ZNF565: variants seen among roughly 807,000 people sequenced by gnomAD.
The protein encoded by ZNF565 is zinc finger protein 565.
A neutral mutation model predicts 39.4 loss-of-function variants in ZNF565; 27 were observed. The observed-to-expected ratio is 0.69, with a 90% CI of 0.51 to 0.95. The LOEUF (loss-of-function observed/expected upper bound fraction) is 0.95. Among genes scored for constraint, ZNF565 ranks in the 40% least tolerant of loss-of-function variants. The probability of loss-of-function intolerance (pLI) is 0.00; values close to 1 mark genes in which losing one functional copy is unlikely to be tolerated. For synonymous variants in ZNF565, 185 were observed against 216.6 expected (o/e 0.85, Z 1.28); for missense variants, 524 against 621.1 (o/e 0.84, Z 1.66).
chr19:36,202,784 G>A (rs1218088251), intron 1 of ZNF565, among the ~76,000 whole-genome samples: 1 of 152,116 alleles, frequency 6.6e-6, no homozygotes, highest in Non-Finnish European at 1.5e-5. Flanking sequence ...AAAACCTCCT[G>A]GGCATCTCAC....
intron 1 of ZNF565, among the ~76,000 whole-genome samples, chr19:36,220,895 A>G (rs980441459): frequency 2.0e-5 from 3 of 149,126 alleles, no homozygotes; most frequent in African/African-American, 7.5e-5. Flanking sequence ...TCTTTTGCCC[A>G]GGGCAGAGTG....
intron 1 of ZNF565, chr19:36,236,937 G>T (rs1977665343): frequency 6.2e-7 from 1 of 1,614,094 alleles, no homozygotes; most frequent in Non-Finnish European, 8.5e-7. Flanking sequence ...ACAGCCTTTG[G>T]CCAGAAGAAG....
At chr19:36,233,319 G>A (rs1190205259) in intron 1 of ZNF565, among the ~76,000 whole-genome samples, 1 of 152,202 alleles carries the variant, frequency 6.6e-6, no homozygotes, top group Non-Finnish European at 1.5e-5. Flanking sequence ...GGCCGAGGTT[G>A]CAGTGAGTCG....
At chr19:36,234,511 A>G (rs1977559771) in intron 1 of ZNF565, among the ~76,000 whole-genome samples, 1 of 152,172 alleles carries the variant, frequency 6.6e-6, no homozygotes, top group South Asian at 2.1e-4. Context: ...AAATTACAGA[A>G]TGTAATCAGG....
chr19:36,195,534 A>C (rs1243825332), intron 2 of ZNF565, among the ~76,000 whole-genome samples: 1 of 147,690 alleles, frequency 6.8e-6, no homozygotes, highest in Non-Finnish European at 1.5e-5. Context: ...AGTGTTCTCA[A>C]TTTTTTTTCT....
chr19:36,208,882 C>G lies in ZNF565; in HGVS notation c.-66+5740G>C, dbSNP rs137974770. ...GGGTCTAATTCTGTCACTCAGGCTG[C>G]AGTGCAGTGGCATGATCACAGCTCA... On this transcript the variant is annotated intron_variant, in intron 1 of 4. Coordinates refer to ENST00000304116, the MANE Select transcript of ZNF565 (RefSeq NM_152477.5). 2.6e-3 allele frequency among the ~76,000 whole-genome samples: 400 copies of G among 152,234 alleles called. 3 individuals carry two copies. The highest frequency in any genetic ancestry group is 8.9e-3 in the African/African-American group (370 of 41,554).
chr19:36,194,773 T>G, intron 3 of ZNF565: 1 of 581,676 alleles, frequency 1.7e-6, no homozygotes, highest in Non-Finnish European at 3.1e-6. Context: ...ACAGAAAGCA[T>G]CAGCTGGAGA....
At position 36,183,689 on chromosome 19, in the gene ZNF565, C is replaced by A. The variant is rs1568408912; in HGVS notation, c.277G>T (p.Glu93Ter). 5 of 1,611,064 alleles carry A rather than the reference C, an allele frequency of 3.1e-6. No individual in the cohort carries two copies. ...CEKFLQKDIF[E>*]IGAFNWEIME... ...ATCTCCCAGTTGAATGCCCCGATTT[C>A]AAAAATGTCTTTTTGTAGAAATTTC... The change falls in exon 5 of 5, where the codon GAA becomes TAA. Residue 93 changes from glutamate (E) to a stop codon, truncating the protein, a stop_gained. Coordinates refer to ENST00000304116, the MANE Select transcript of ZNF565 (RefSeq NM_152477.5). LOFTEE classifies it low-confidence loss of function (END_TRUNC).
At chr19:36,199,480 C>T (rs190098695) in intron 2 of ZNF565, among the ~76,000 whole-genome samples, 2 of 151,662 alleles carry the variant, frequency 1.3e-5, no homozygotes, top group East Asian at 1.9e-4. Context: ...AACATAACAC[C>T]CTTTTAAATG....
intron 1 of ZNF565, among the ~76,000 whole-genome samples, chr19:36,243,598 C>T (rs1022720467): frequency 6.6e-6 from 1 of 152,138 alleles, no homozygotes; most frequent in Non-Finnish European, 1.5e-5. Context: ...AGGGAAGTCT[C>T]AGAGCTGTGT....
intron 1 of ZNF565, among the ~76,000 whole-genome samples, chr19:36,224,546 C>T (rs1976992170): frequency 6.6e-6 from 1 of 152,136 alleles, no homozygotes; most frequent in Admixed American, 6.5e-5. Context: ...TATCTTTTTA[C>T]TATTGAGGCT....
At chr19:36,234,043 G>C (rs1324417534) in intron 1 of ZNF565, among the ~76,000 whole-genome samples, 1 of 152,162 alleles carries the variant, frequency 6.6e-6, no homozygotes, top group African/African-American at 2.4e-5. Context: ...CTTCTGTAGT[G>C]TGTTGTGTCT....
At chr19:36,232,261 A>G (rs997202743) in intron 1 of ZNF565, among the ~76,000 whole-genome samples, 5 of 151,940 alleles carry the variant, frequency 3.3e-5, no homozygotes, top group Non-Finnish European at 7.4e-5. Context: ...TTCTCTTTAT[A>G]AAATTTTTGA....
At chr19:36,234,755 G>A (rs1218272429) in intron 1 of ZNF565, among the ~76,000 whole-genome samples, 1 of 152,048 alleles carries the variant, frequency 6.6e-6, no homozygotes, top group East Asian at 1.9e-4. Flanking sequence ...CATATATGTG[G>A]GTTTAATCTC....
intron 2 of ZNF565, 82 bp downstream of exon 2, chr19:36,201,895 A>C: frequency 6.6e-7 from 1 of 1,509,420 alleles, no homozygotes; most frequent in Non-Finnish European, 9.1e-7. Flanking sequence ...GATACAGGGA[A>C]GTTCCAGGAT....
chr19:36,236,998 T>C (rs1260267258), intron 1 of ZNF565: 1 of 1,614,192 alleles, frequency 6.2e-7, no homozygotes, highest in Non-Finnish European at 8.5e-7. Context: ...CCTATGAATG[T>C]AACGAATGTG....
At chr19:36,219,390 T>A (rs541560992), upstream of ZNF565, among the ~76,000 whole-genome samples, 1 of 152,194 alleles carries the variant, frequency 6.6e-6, no homozygotes, top group East Asian at 1.9e-4. Context: ...GAAGTTAGAT[T>A]TCTGTGTTTG....
intron 4 of ZNF565, 75 bp downstream of exon 4, chr19:36,194,158 C>A: frequency 1.6e-6 from 2 of 1,285,072 alleles, no homozygotes; most frequent in East Asian, 2.5e-5. Flanking sequence ...AGGGAACTTC[C>A]CACAGTAACT....
chr19:36,237,728 T>C (rs1190096266), intron 1 of ZNF565: 1 of 173,888 alleles, frequency 5.8e-6, no homozygotes, highest in Admixed American at 6.1e-5. Flanking sequence ...GTGGTATTGA[T>C]TGAGCAGAGC....
Sources: gnomAD v4.1 joint callset for allele counts (sites outside exome capture counted in the v4.1 genomes callset) on GRCh38, gnomAD v4.1.1 for gene constraint, MANE v1.5 for transcripts, NCBI Gene and HGNC (gene_info 2026-07-23, HGNC 2026-07-21) for gene names.